ERG: variants seen among roughly 807,000 people sequenced by gnomAD.
ERG encodes the protein ETS transcription factor ERG.
In ERG, 9 loss-of-function variants were observed where a neutral mutation model predicts 55.3. The ratio of observed to expected loss-of-function variants is 0.16; its 90% CI spans 0.10 to 0.28. ERG has a LOEUF of 0.28. Ranked by LOEUF, ERG falls within the 10% of genes least tolerant of loss-of-function variation. ERG has a pLI of 1.00. For synonymous variants in ERG, 223 were observed against 237.3 expected (o/e 0.94, Z 0.55); for missense variants, 434 against 631.6 (o/e 0.69, Z 3.35).
intron 1 of ERG, among the ~76,000 whole-genome samples, chr21:38,623,908 T>C (rs2060308780): frequency 6.6e-6 from 1 of 152,202 alleles, no homozygotes; most frequent in Admixed American, 6.5e-5. Context: ...AAATTGAAGT[T>C]CATAATTTCC....
chr21:38,463,896 C>T (rs1011214091), intron 1 of ERG, among the ~76,000 whole-genome samples: 6 of 152,114 alleles, frequency 3.9e-5, no homozygotes, highest in Non-Finnish European at 8.8e-5. Flanking sequence ...TTCCCGTATC[C>T]CCTCACTCCT....
At chr21:38,418,744 T>C (rs1989396615) in intron 3 of ERG, among the ~76,000 whole-genome samples, 1 of 151,568 alleles carries the variant, frequency 6.6e-6, no homozygotes, top group Admixed American at 6.6e-5. Context: ...CTGGCAAACA[T>C]GGCGAAACCC....
At chr21:38,506,843 G>A (rs964693169) in intron 2 of ERG, among the ~76,000 whole-genome samples, 21 of 152,214 alleles carry the variant, frequency 1.4e-4, no homozygotes, top group African/African-American at 4.1e-4. Flanking sequence ...CACCCACTGC[G>A]GTTTAGGATA....
chr21:38,649,085 G>GA (rs1214254561), intron 1 of ERG, among the ~76,000 whole-genome samples: 1 of 151,996 alleles, frequency 6.6e-6, no homozygotes, highest in African/African-American at 2.4e-5. Context: ...CAGCCCAAAG[G>GA]AAAAAATAAA....
chr21:38,390,069 C>T (rs1987900827), intron 9 of ERG, among the ~76,000 whole-genome samples: 2 of 152,176 alleles, frequency 1.3e-5, no homozygotes, highest in Admixed American at 1.3e-4. Context: ...AACATCTTGG[C>T]ATTTGAATTT....
At chr21:38,410,180 C>G (rs1349897836) in intron 3 of ERG, among the ~76,000 whole-genome samples, 1 of 152,192 alleles carries the variant, frequency 6.6e-6, no homozygotes. Context: ...GGAATAAGAA[C>G]AAAATCTGTT....
At chr21:38,574,868 A>T (rs2059985238) in intron 2 of ERG, among the ~76,000 whole-genome samples, 1 of 152,240 alleles carries the variant, frequency 6.6e-6, no homozygotes, top group Non-Finnish European at 1.5e-5. Context: ...TGAACTAACC[A>T]GCACAGGTGT....
chr21:38,470,203 A>G (rs1034960999), intron 1 of ERG, among the ~76,000 whole-genome samples: 2 of 152,162 alleles, frequency 1.3e-5, no homozygotes, highest in African/African-American at 4.8e-5. Flanking sequence ...AATTGTATTA[A>G]GCAAAACACT....
At chr21:38,647,102 A>C (rs1015034715) in intron 1 of ERG, among the ~76,000 whole-genome samples, 25 of 152,206 alleles carry the variant, frequency 1.6e-4, no homozygotes, top group African/African-American at 5.5e-4. Flanking sequence ...ACATGTGGTC[A>C]GCGATTCGGC....
At chr21:38,518,850 A>C (rs1319846928) in intron 2 of ERG, among the ~76,000 whole-genome samples, 1 of 152,190 alleles carries the variant, frequency 6.6e-6, no homozygotes, top group Non-Finnish European at 1.5e-5. Context: ...AGAGAATCAA[A>C]AGGCAATGCA....
At chr21:38,552,900 C>T (rs1234472374) in intron 2 of ERG, among the ~76,000 whole-genome samples, 1 of 150,522 alleles carries the variant, frequency 6.6e-6, no homozygotes, top group Non-Finnish European at 1.5e-5. Flanking sequence ...GGAAGTCAAA[C>T]TATCTCTCTT....
intron 2 of ERG, among the ~76,000 whole-genome samples, chr21:38,559,686 A>ATT: frequency 6.6e-6 from 1 of 151,066 alleles, no homozygotes; most frequent in South Asian, 2.1e-4. Context: ...TTTAATAATC[A>ATT]TTTTTTTTTC....
In ERG at chr21:38,460,222, G is replaced by A. The variant is rs920838750; in HGVS notation, c.19-14601C>T. 1.3e-5 allele frequency among the ~76,000 whole-genome samples: 2 copies of A among 152,160 alleles called. No individual in the cohort carries two copies. Among genetic ancestry groups the A allele is most frequent in the African/African-American group, 4.8e-5 (2 of 41,432 alleles). ...GCCAGGGAGGAGGGGTTACTGGAAA[G>A]GAGCGAAAGAAAGAACCAGGAGGTG... is the stretch of plus-strand genomic sequence containing the variant. On this transcript the variant is annotated intron_variant, in intron 1 of 9. Transcript: ENST00000288319. The surrounding 1 kb of genome is among the most constrained non-coding windows in gnomAD (Gnocchi z 5.0).
intron 1 of ERG, among the ~76,000 whole-genome samples, chr21:38,599,468 C>T (rs966521430): frequency 6.6e-6 from 1 of 152,194 alleles, no homozygotes; most frequent in African/African-American, 2.4e-5. Context: ...GGGAATCCGA[C>T]ACCAAATTAT....
intron 1 of ERG, among the ~76,000 whole-genome samples, chr21:38,658,021 C>A (rs986829560): frequency 6.6e-6 from 1 of 152,174 alleles, no homozygotes; most frequent in Non-Finnish European, 1.5e-5. Context: ...ACAAATGTTG[C>A]TGCTAAGGTT....
At chr21:38,533,278 T>A (rs1410544256) in intron 2 of ERG, among the ~76,000 whole-genome samples, 1 of 152,094 alleles carries the variant, frequency 6.6e-6, no homozygotes, top group Non-Finnish European at 1.5e-5. Context: ...ATCTCAGTCA[T>A]TCTCTTATGT....
chr21:38,462,348 C>T (rs970954095), intron 1 of ERG, among the ~76,000 whole-genome samples: 1 of 147,924 alleles, frequency 6.8e-6, no homozygotes, highest in African/African-American at 2.5e-5. Flanking sequence ...TTGTTTCTAC[C>T]AATAGATATA....
chr21:38,485,560 A>T (rs2059276272), intron 1 of ERG, among the ~76,000 whole-genome samples: 1 of 151,546 alleles, frequency 6.6e-6, no homozygotes, highest in Admixed American at 6.6e-5. Flanking sequence ...CCCTGGTTCA[A>T]GGGATTCTCC....
intron 1 of ERG, among the ~76,000 whole-genome samples, chr21:38,613,175 T>C (rs1204774692): frequency 6.6e-6 from 1 of 152,248 alleles, no homozygotes; most frequent in African/African-American, 2.4e-5. Flanking sequence ...ACGGACATCA[T>C]AAACTTAGTC....
Sources: allele counts gnomAD v4.1 joint callset (sites outside exome capture counted in the v4.1 genomes callset), GRCh38; gene constraint gnomAD v4.1.1; non-coding constraint Gnocchi (gnomAD v3.1); transcripts MANE v1.5; gene names NCBI Gene and HGNC (gene_info 2026-07-23, HGNC 2026-07-21).